Variants in UPP1 observed in about 807,000 individuals in gnomAD.
UPP1 encodes uridine phosphorylase 1, also known as UPase 1.
In UPP1, 25 loss-of-function variants were observed where a neutral mutation model predicts 29.6. The ratio of observed to expected loss-of-function variants is 0.85; its 90% CI spans 0.62 to 1.18. UPP1 has a LOEUF of 1.18. Ranked by LOEUF, UPP1 falls within the 50% of genes most tolerant of loss-of-function variation. UPP1 has a pLI of 0.00. For missense variants in UPP1, 368 were observed against 410.4 expected (o/e 0.90, Z 0.89); for synonymous variants, 165 against 159.8 (o/e 1.03, Z -0.25).
chr7:48,100,374 TATAAA>T (rs1792357283), intron 4 of UPP1, among the ~76,000 whole-genome samples: 1 of 152,216 alleles, frequency 6.6e-6, no homozygotes, highest in Admixed American at 6.5e-5. Context: ...TGAAACTATA[TATAAA>T]ATAAACTTCC....
At chr7:48,104,477 GA>G (rs1289722419) in intron 6 of UPP1, among the ~76,000 whole-genome samples, 1 of 152,176 alleles carries the variant, frequency 6.6e-6, no homozygotes, top group African/African-American at 2.4e-5. Flanking sequence ...GTGCCCTAGA[GA>G]AAGTTGAGCT....
At chr7:48,100,920 TA>T (rs1289051663) in intron 4 of UPP1, among the ~76,000 whole-genome samples, 2 of 152,060 alleles carry the variant, frequency 1.3e-5, no homozygotes, top group African/African-American at 2.4e-5. Context: ...CTTTTTTTTT[TA>T]AATTTTTTGA....
In UPP1 at chr7:48,107,488, C is replaced by G; in HGVS notation, c.774C>G (p.Cys258Trp). Residue 258 changes from cysteine to tryptophan, a missense_variant, in exon 8 of 9, where the codon TGC (cysteine) becomes TGG (tryptophan). Transcript: ENST00000395564. Reference sequence around the variant, plus strand: ...AGTCCTCGGTGTTTGCCGCCATGTGCAGCGCCTGCGGCCTCCAAGGTAAGC... The same window carrying G: ...AGTCCTCGGTGTTTGCCGCCATGTGGAGCGCCTGCGGCCTCCAAGGTAAGC... ...EMESSVFAAM[C>W]SACGLQAAVV... is the part of the protein sequence containing the mutation. 6.2e-7 allele frequency: 1 copy of G among 1,612,034 alleles called. No individual in the cohort carries two copies. Among genetic ancestry groups the G allele is most frequent in the Non-Finnish European group, 8.5e-7 (1 of 1,178,506 alleles).
chr7:48,104,354 C>T (rs188780751), intron 6 of UPP1, among the ~76,000 whole-genome samples: 133 of 152,274 alleles, frequency 8.7e-4, no homozygotes, highest in African/African-American at 3.1e-3. Flanking sequence ...GTTTTAAATA[C>T]GTGGTCTTGC....
Position 48,103,898 on chromosome 7 carries a change from A to G in UPP1, c.436+487A>G, listed in dbSNP as rs1281826983. 4.7e-6 allele frequency: 6 copies of G among 1,277,946 alleles called. No homozygotes were observed. The South Asian group carries it at 6.2e-5, about 13-fold the overall frequency. The allele number at this position is 1,277,946 out of a possible 1,614,324, so 79.2% of individuals were successfully genotyped here. On this transcript the variant is annotated intron_variant, in intron 6 of 8. Coordinates refer to ENST00000395564, the MANE Select transcript of UPP1 (RefSeq NM_003364.4). ...TTAGCTTAAAATGTCCCTATCCTCA[A>G]CAGGGACATTTTTTTTTTGTTTAAA...
At chr7:48,107,137 C>G (rs1450735742) in intron 7 of UPP1, 55 bp downstream of exon 7, 1 of 1,584,640 alleles carries the variant, frequency 6.3e-7, no homozygotes, top group South Asian at 1.1e-5. Context: ...TGGTCCGTCC[C>G]CTGAGCCTGC....
Position 48,099,722 on chromosome 7 carries a change from A to T in UPP1, c.97A>T (p.Ile33Phe). Residue 33 changes from isoleucine (I) to phenylalanine (F), a missense_variant, in exon 4 of 9, where the codon ATT becomes TTT. Transcript: ENST00000395564. ...AAACATAGCAAAAATGAAAGAAGATATTCTCTATCATTTCAATCTCACCAC... is the reference window on the plus strand; with the variant it reads ...AAACATAGCAAAAATGAAAGAAGATTTTCTCTATCATTTCAATCTCACCAC... The part of the protein sequence containing the change: ...NPNIAKMKED[I>F]LYHFNLTTSR... 1 of 1,614,054 alleles carries T rather than the reference A, an allele frequency of 6.2e-7. No individual in the cohort carries two copies. The highest frequency in any genetic ancestry group is 1.1e-5 in the South Asian group (1 of 91,080).
intron 3 of UPP1, among the ~76,000 whole-genome samples, chr7:48,099,365 C>A (rs1358993034): frequency 2.0e-5 from 3 of 152,156 alleles, no homozygotes; most frequent in Non-Finnish European, 4.4e-5. Context: ...GCTATACTCC[C>A]TACTCCTTGT....
In UPP1 at chr7:48,101,882, C is replaced by T; in HGVS notation, c.221C>T (p.Ala74Val). 1 of 1,614,040 alleles carries T rather than the reference C, an allele frequency of 6.2e-7. No individual in the cohort carries two copies. Among genetic ancestry groups the T allele is most frequent in the Non-Finnish European group, 8.5e-7 (1 of 1,180,008 alleles). The part of the protein sequence containing the change: ...RMKAFIRCVG[A>V]ELGLDCPGRD... ...AAAGCCTTCATCAGGTGCGTTGGTG[C>T]AGAGCTGGGCCTTGACTGCCCAGGT... The change falls in exon 5 of 9, where the codon GCA becomes GTA. Residue 74 changes from alanine to valine, a missense_variant. By Grantham distance (64) the Ala-to-Val change is moderately conservative. Transcript: ENST00000395564.
chr7:48,099,042 TATC>T (rs1455362956), intron 3 of UPP1, among the ~76,000 whole-genome samples: 1 of 152,232 alleles, frequency 6.6e-6, no homozygotes, highest in Non-Finnish European at 1.5e-5. Flanking sequence ...ATGTATTTAT[TATC>T]TGGCCTTTTA....
At chr7:48,107,167 G>A (rs1047473994) in intron 7 of UPP1, 85 bp downstream of exon 7, 10 of 1,512,662 alleles carry the variant, frequency 6.6e-6, no homozygotes, top group South Asian at 1.2e-5. Context: ...GTGGACTGGC[G>A]TTTCCACTTG....
rs1429868919 is a variant in UPP1, at chr7:48,108,610, A to G, written c.*253A>G. 3 of 345,550 alleles carry G rather than the reference A, an allele frequency of 8.7e-6. No homozygotes were observed. The highest frequency in any genetic ancestry group is 1.5e-5 in the Non-Finnish European group (3 of 198,246). 21.4% of individuals were successfully genotyped at this position (345,550 alleles called of 1,614,324 possible). On this transcript the variant is annotated 3_prime_UTR_variant, in exon 9 of 9. Coordinates refer to ENST00000395564, the MANE Select transcript of UPP1 (RefSeq NM_003364.4). The stretch of plus-strand genomic sequence containing the variant: ...GAACATTCTACCAAATTTTTGTACT[A>G]TTTCTAGGGAAATTTTTCAGACTTT...
intron 2 of UPP1, among the ~76,000 whole-genome samples, chr7:48,092,663 T>C (rs1014606067): frequency 2.0e-4 from 30 of 151,690 alleles, no homozygotes; most frequent in Non-Finnish European, 4.4e-5. Context: ...ATTGCACCAC[T>C]CCACTCCAGC....
chr7:48,107,538 C>T, intron 8 of UPP1, 31 bp downstream of exon 8: 1 of 1,576,950 alleles, frequency 6.3e-7, no homozygotes, highest in Non-Finnish European at 8.6e-7. Flanking sequence ...CTCGGCGTCC[C>T]CTCCTCCCTT....
At chr7:48,102,062 C>G in intron 5 of UPP1, 80 bp downstream of exon 5, 1 of 1,487,692 alleles carries the variant, frequency 6.7e-7, no homozygotes, top group African/African-American at 1.4e-5. Flanking sequence ...ACACAGACAG[C>G]TGGTCCCCTA....
intron 6 of UPP1, chr7:48,103,883 A>G (rs1237255335): frequency 2.3e-6 from 3 of 1,287,808 alleles, no homozygotes; most frequent in Non-Finnish European, 3.0e-6. Context: ...TTAGCTTAAA[A>G]TGTCCCTATC....
chr7:48,098,676 TGAG>T (rs1792257138), intron 3 of UPP1, among the ~76,000 whole-genome samples: 2 of 152,102 alleles, frequency 1.3e-5, no homozygotes, highest in African/African-American at 2.4e-5. Flanking sequence ...TGAGTTAGAA[TGAG>T]GAGGAGACAT....
Position 48,107,601 on chromosome 7 carries a change from C to T in UPP1, c.793+94C>T, listed in dbSNP as rs909083270. On this transcript the variant is annotated intron_variant, in intron 8 of 8. Transcript: ENST00000395564. ...TGGGGCCCCTCCTCCTGGGGCACCC[C>T]GATACCCATTTCTGGTTTCTGTTTC... The T allele has an allele frequency of 4.6e-5, 66 of 1,421,624 alleles. No individual in the cohort carries two copies. In the East Asian group the frequency reaches 6.7e-4, roughly 14 times the overall value. 88.1% of individuals were successfully genotyped at this position (1,421,624 alleles called of 1,614,324 possible).
At chr7:48,102,642 C>G (rs1792493482) in intron 5 of UPP1, among the ~76,000 whole-genome samples, 2 of 152,186 alleles carry the variant, frequency 1.3e-5, no homozygotes, top group Admixed American at 6.5e-5. Flanking sequence ...GTGTGTAAGG[C>G]TCCGTGACCG....
Sources: allele counts gnomAD v4.1 joint callset (sites outside exome capture counted in the v4.1 genomes callset), GRCh38; gene constraint gnomAD v4.1.1; transcripts MANE v1.5; gene names NCBI Gene and HGNC (gene_info 2026-07-23, HGNC 2026-07-21).